LTBP1: variants seen among roughly 807,000 people sequenced by gnomAD.
LTBP1 encodes latent-transforming growth factor beta-binding protein 1.
LTBP1 carries 129 observed loss-of-function variants against 207.6 expected under a neutral mutation model. That is an observed-to-expected ratio of 0.62 (90% CI 0.54 to 0.72). LTBP1 has a LOEUF of 0.72. LTBP1 is among the 30% of genes least tolerant of loss of function. The probability of loss-of-function intolerance (pLI) is 0.00; values close to 1 mark genes in which losing one functional copy is unlikely to be tolerated. For missense variants in LTBP1, 2,281 were observed against 2,217.2 expected, an observed-to-expected ratio of 1.03 and a Z score of -0.58; for synonymous variants, 963 against 833.7, an observed-to-expected ratio of 1.16 and a Z score of -2.67.
At chr2:33,088,150 C>A (rs994700420) in intron 3 of LTBP1, among the ~76,000 whole-genome samples, 2 of 152,170 alleles carry the variant, frequency 1.3e-5, no homozygotes, top group Non-Finnish European at 2.9e-5. Flanking sequence ...CCAAAGAAGT[C>A]TCTTGTTAAA....
chr2:32,959,225 A>G (rs1678592016), intron 2 of LTBP1, among the ~76,000 whole-genome samples: 2 of 152,160 alleles, frequency 1.3e-5, no homozygotes, highest in South Asian at 4.1e-4. Context: ...AATTGGAGGA[A>G]GGTGTTGCTA....
At position 33,277,583 on chromosome 2, in the gene LTBP1, A is replaced by G. The variant is rs182629127; in HGVS notation, c.2992+1660A>G. 3.8e-3 allele frequency among the ~76,000 whole-genome samples: 573 copies of G among 152,122 alleles called. 1 individual carries two copies. Among genetic ancestry groups the G allele is most frequent in the Admixed American group, 7.4e-3 (113 of 15,256 alleles). ...TCACTTTGTTAGTTTTCAAGAAGTT[A>G]TAGTTTCTTTAAATCTCCCCCCATC... On this transcript the variant is annotated intron_variant, in intron 18 of 33. Coordinates refer to ENST00000404816, the MANE Select transcript of LTBP1 (RefSeq NM_206943.4).
chr2:33,296,731 T>C (rs192430180), intron 20 of LTBP1, among the ~76,000 whole-genome samples: 107 of 152,198 alleles, frequency 7.0e-4, no homozygotes, highest in African/African-American at 2.4e-3. Context: ...AGTATTTAGT[T>C]TTGTTTTTTT....
At chr2:33,110,778 C>G (rs774432433) in intron 4 of LTBP1, 27 bp downstream of exon 4, 2 of 1,604,258 alleles carry the variant, frequency 1.2e-6, no homozygotes, top group African/African-American at 2.7e-5. Flanking sequence ...CAACCATTTT[C>G]CCAAGTTATG....
intron 3 of LTBP1, among the ~76,000 whole-genome samples, chr2:33,100,417 T>TG (rs2079649826): frequency 1.3e-5 from 2 of 150,668 alleles, no homozygotes; most frequent in Admixed American, 1.3e-4. Context: ...ATATGAAGGA[T>TG]GGGGGCAGGG....
intron 3 of LTBP1, among the ~76,000 whole-genome samples, chr2:33,052,456 T>C (rs2149516604): frequency 6.6e-6 from 1 of 152,376 alleles, no homozygotes; most frequent in East Asian, 1.9e-4. Context: ...ACCCCTATTA[T>C]TGAACGCTAA....
chr2:33,230,442 C>T lies in LTBP1; in HGVS notation c.1876+8291C>T, dbSNP rs1463129480. Among the ~76,000 whole-genome samples, 7 of 152,166 alleles carry T rather than the reference C, an allele frequency of 4.6e-5. No individual in the cohort carries two copies. In the East Asian group the frequency reaches 1.4e-3, roughly 29 times the overall value. On this transcript the variant is annotated intron_variant, in intron 9 of 33. Transcript: ENST00000404816. Reference sequence around the variant, plus strand: ...TTATTACATATACACACATGGAGCTCCAAAACAGCCTTGCTACTCTCAGCA... The same window carrying T: ...TTATTACATATACACACATGGAGCTTCAAAACAGCCTTGCTACTCTCAGCA...
chr2:33,011,771 G>A (rs754648467), intron 2 of LTBP1, among the ~76,000 whole-genome samples: 12 of 151,968 alleles, frequency 7.9e-5, no homozygotes, highest in Middle Eastern at 3.4e-3. Context: ...TACTGGACCT[G>A]CATACTAGAC....
Position 33,300,567 on chromosome 2 carries a change from T to C in LTBP1, c.3352T>C (p.Cys1118Arg), listed in dbSNP as rs1231961066. Reference protein sequence around the residue: ...GYQLSAAKDQCEDIDECQHRH... With the variant: ...GYQLSAAKDQREDIDECQHRH... ...CCAGCTGTCGGCAGCTAAAGACCAGTGTGAAGGTAAGAGGGTAGTAACATG... is the reference window on the plus strand; with the variant it reads ...CCAGCTGTCGGCAGCTAAAGACCAGCGTGAAGGTAAGAGGGTAGTAACATG... The change falls in exon 21 of 34, where the codon TGT becomes CGT. Residue 1118 changes from cysteine to arginine, a missense_variant. Physicochemically the swap from Cys to Arg is radical, Grantham distance 180. Coordinates refer to ENST00000404816, the MANE Select transcript of LTBP1 (RefSeq NM_206943.4). 1.9e-6 allele frequency: 3 copies of C among 1,612,956 alleles called. No homozygotes were observed. The highest frequency in any genetic ancestry group is 2.5e-6 in the Non-Finnish European group (3 of 1,179,304).
intron 3 of LTBP1, among the ~76,000 whole-genome samples, chr2:33,035,622 A>G (rs2075884118): frequency 6.6e-6 from 1 of 152,268 alleles, no homozygotes; most frequent in Admixed American, 6.5e-5. Flanking sequence ...ATGCAAAAGC[A>G]TATCAAATCA....
At chr2:33,207,393 GATACTTTGTAAA>G (rs2089965279) in intron 7 of LTBP1, among the ~76,000 whole-genome samples, 1 of 152,074 alleles carries the variant, frequency 6.6e-6, no homozygotes, top group African/African-American at 2.4e-5. Context: ...AGTCACAGTA[GATACTTTGTAAA>G]ATCAATAGCC....
chr2:33,057,341 A>G (rs747933059), intron 3 of LTBP1, among the ~76,000 whole-genome samples: 4 of 152,164 alleles, frequency 2.6e-5, no homozygotes, highest in Non-Finnish European at 4.4e-5. Flanking sequence ...TCCCCACTAG[A>G]CTCAGGAGCC....
chr2:33,060,119 A>G (rs375004640), intron 3 of LTBP1, among the ~76,000 whole-genome samples: 3 of 152,172 alleles, frequency 2.0e-5, no homozygotes, highest in South Asian at 4.1e-4. Flanking sequence ...TGTAGACTCC[A>G]TTTCACTCCC....
intron 23 of LTBP1, among the ~76,000 whole-genome samples, chr2:33,310,239 C>T (rs887179299): frequency 2.6e-5 from 4 of 152,188 alleles, no homozygotes; most frequent in Non-Finnish European, 5.9e-5. Flanking sequence ...AGCCACTGCA[C>T]CTGGCTCACC....
At chr2:33,086,394 G>A (rs912665985) in intron 3 of LTBP1, among the ~76,000 whole-genome samples, 9 of 152,230 alleles carry the variant, frequency 5.9e-5, no homozygotes, top group African/African-American at 2.2e-4. Flanking sequence ...GGTCAGCGTA[G>A]CATGACTTAA....
chr2:33,248,524 G>T (rs944817906), intron 10 of LTBP1, among the ~76,000 whole-genome samples: 3 of 151,852 alleles, frequency 2.0e-5, no homozygotes, highest in Admixed American at 2.0e-4. Context: ...CCACACTATA[G>T]AATAGGTGAC....
At chr2:33,060,112 A>G (rs2077190771) in intron 3 of LTBP1, among the ~76,000 whole-genome samples, 1 of 152,214 alleles carries the variant, frequency 6.6e-6, no homozygotes, top group Admixed American at 6.5e-5. Flanking sequence ...TTTAAACTGT[A>G]GACTCCATTT....
At chr2:33,205,171 T>C (rs541985711) in intron 7 of LTBP1, among the ~76,000 whole-genome samples, 6 of 152,372 alleles carry the variant, frequency 3.9e-5, no homozygotes, top group Admixed American at 3.3e-4. Context: ...GCTACTGACT[T>C]AGAAGACTCG....
intron 7 of LTBP1, among the ~76,000 whole-genome samples, chr2:33,198,785 C>T (rs973568159): frequency 6.6e-6 from 1 of 152,100 alleles, no homozygotes; most frequent in Non-Finnish European, 1.5e-5. Context: ...TGATTCTCCT[C>T]TCTTTTCTTC....
Sources: allele counts gnomAD v4.1 joint callset (sites outside exome capture counted in the v4.1 genomes callset), GRCh38; gene constraint gnomAD v4.1.1; transcripts MANE v1.5; gene names NCBI Gene and HGNC (gene_info 2026-07-23, HGNC 2026-07-21).